Variants in OPHN1 observed in about 807,000 individuals in gnomAD.
OPHN1 encodes oligophrenin 1.
OPHN1 carries 11 observed loss-of-function variants against 60.7 expected under a neutral mutation model. That is an observed-to-expected ratio of 0.18 (90% confidence interval 0.11 to 0.30). The LOEUF is 0.30. OPHN1 is among the 10% of genes least tolerant of loss of function. OPHN1 has a pLI of 1.00. For missense variants in OPHN1, 449 were observed against 611.0 expected (o/e 0.73, Z 2.80); for synonymous variants, 226 against 222.6 (o/e 1.02, Z -0.14).
At chrX:68,105,085 T>G (rs2147418110) in intron 18 of OPHN1, among the ~76,000 whole-genome samples, 1 of 111,744 alleles carries the variant, frequency 8.9e-6, no homozygotes, top group Admixed American at 9.5e-5. Context: ...ATTAGAGAAA[T>G]GCAAATCAAA....
intron 20 of OPHN1, among the ~76,000 whole-genome samples, chrX:68,068,276 T>A (rs1407533315): frequency 9.2e-6 from 1 of 109,040 alleles, no homozygotes; most frequent in African/African-American, 3.3e-5. Context: ...TTGAGACCAG[T>A]CTGGCCAACA....
At chrX:68,349,239 T>C (rs1397759242) in intron 2 of OPHN1, among the ~76,000 whole-genome samples, 24 of 109,896 alleles carry the variant, frequency 2.2e-4, no homozygotes, top group Admixed American at 1.9e-3. Flanking sequence ...CATCAAAAAA[T>C]GGGCAAAGGA....
At chrX:68,267,441 C>T (rs1034687866) in intron 5 of OPHN1, among the ~76,000 whole-genome samples, 2 of 111,790 alleles carry the variant, frequency 1.8e-5, no homozygotes, top group East Asian at 2.8e-4. Flanking sequence ...GGGTACATAA[C>T]GAAATGAAGG....
chrX:68,145,843 A>G (rs2077261740), intron 15 of OPHN1, among the ~76,000 whole-genome samples: 1 of 112,019 alleles, frequency 8.9e-6, no homozygotes, highest in Admixed American at 9.5e-5. Flanking sequence ...GATACATCTT[A>G]TTTTAGTTCA....
chrX:68,239,053 A>G (rs1029845263), intron 5 of OPHN1, among the ~76,000 whole-genome samples: 1 of 111,365 alleles, frequency 9.0e-6, no homozygotes, highest in Admixed American at 9.6e-5. Flanking sequence ...AATGATGGAA[A>G]TAGCTCTCAG....
intron 2 of OPHN1, among the ~76,000 whole-genome samples, chrX:68,390,321 G>A (rs1386359016): frequency 1.8e-5 from 2 of 111,706 alleles, no homozygotes; most frequent in African/African-American, 6.5e-5. Flanking sequence ...CACTGGGGCC[G>A]GGTGCAGTGG....
chrX:68,176,127 A>G (rs1375410292), intron 15 of OPHN1, among the ~76,000 whole-genome samples: 1 of 112,219 alleles, frequency 8.9e-6, no homozygotes, highest in Non-Finnish European at 1.9e-5. Context: ...AGAAGAAAAC[A>G]TAGGGGAAAA....
chrX:68,371,838 G>T (rs1003987703), intron 2 of OPHN1, among the ~76,000 whole-genome samples: 1 of 112,410 alleles, frequency 8.9e-6, no homozygotes, highest in Admixed American at 9.4e-5. Context: ...TCTGCCTCCA[G>T]GATTCAAAGA....
intron 23 of OPHN1, among the ~76,000 whole-genome samples, chrX:68,050,228 A>G (rs1436806820): frequency 9.0e-6 from 1 of 111,467 alleles, no homozygotes. Flanking sequence ...GAGTGGGAGG[A>G]GCCTGTGGGT....
chrX:68,215,993 G>A (rs755082100), intron 6 of OPHN1, among the ~76,000 whole-genome samples: 30 of 111,388 alleles, frequency 2.7e-4, no homozygotes, highest in Non-Finnish European at 4.9e-4. Flanking sequence ...ATTCTTAATG[G>A]ACCTAACAGA....
At chrX:68,057,641 C>G (rs1340959650) in intron 21 of OPHN1, among the ~76,000 whole-genome samples, 1 of 111,463 alleles carries the variant, frequency 9.0e-6, no homozygotes, top group Non-Finnish European at 1.9e-5. Flanking sequence ...CTCTTGGGCC[C>G]TTTATTGCTA....
chrX:68,054,441 C>T (rs2076864688), intron 21 of OPHN1, among the ~76,000 whole-genome samples: 1 of 110,624 alleles, frequency 9.0e-6, no homozygotes, highest in Non-Finnish European at 1.9e-5. Context: ...TAGAGGGCAT[C>T]AAGGATTCTG....
rs986742481 is a variant in OPHN1 at position 68,363,966 on chromosome X, GT to G, written c.155-64871del. ...TATGTTTGAAATTTTCCATACTAAT[GT>G]TTTTAAAATATGTGTGAACTGAAAT... is the stretch of plus-strand genomic sequence containing the variant. On this transcript the variant is annotated intron_variant, in intron 2 of 24. Coordinates refer to ENST00000355520, the MANE Select transcript of OPHN1 (RefSeq NM_002547.3). Among the ~76,000 whole-genome samples, 6 of 111,628 alleles carry G rather than the reference GT, an allele frequency of 5.4e-5. No individual in the cohort carries two copies. The Admixed American group carries it at 5.7e-4, about 11-fold the overall frequency.
At chrX:68,418,829 G>A (rs2078811800) in intron 2 of OPHN1, among the ~76,000 whole-genome samples, 1 of 111,620 alleles carries the variant, frequency 9.0e-6, no homozygotes, top group South Asian at 3.8e-4. Flanking sequence ...GAGATCATAG[G>A]TGAAACTTGT....
intron 2 of OPHN1, among the ~76,000 whole-genome samples, chrX:68,301,806 C>G (rs2078122418): frequency 8.9e-6 from 1 of 112,173 alleles, no homozygotes; most frequent in African/African-American, 3.2e-5. Flanking sequence ...ATGTGTCTTC[C>G]ACAATGTCTT....
intron 15 of OPHN1, among the ~76,000 whole-genome samples, chrX:68,144,146 A>C (rs932213272): frequency 9.0e-6 from 1 of 110,736 alleles, no homozygotes; most frequent in African/African-American, 3.3e-5. Context: ...AATAGCTGGG[A>C]GCCTCCCAAG....
intron 3 of OPHN1, among the ~76,000 whole-genome samples, chrX:68,284,080 C>T (rs1053900898): frequency 4.5e-5 from 5 of 111,617 alleles, no homozygotes; most frequent in Non-Finnish European, 9.4e-5. Flanking sequence ...CCTTCTGTCC[C>T]CAAATACTTT....
chrX:68,067,838 A>G (rs1168845182), intron 20 of OPHN1, among the ~76,000 whole-genome samples: 1 of 111,975 alleles, frequency 8.9e-6, no homozygotes, highest in Non-Finnish European at 1.9e-5. Context: ...ACTGGTGAGC[A>G]GGATTGGTTC....
At chrX:68,261,402 C>T (rs760141494) in intron 5 of OPHN1, among the ~76,000 whole-genome samples, 13 of 111,687 alleles carry the variant, frequency 1.2e-4, no homozygotes, top group Non-Finnish European at 2.3e-4. Flanking sequence ...TTCTACACTG[C>T]GGGATGAAAG....
Sources: gnomAD v4.1 joint callset for allele counts (sites outside exome capture counted in the v4.1 genomes callset) on GRCh38, gnomAD v4.1.1 for gene constraint, MANE v1.5 for transcripts, NCBI Gene and HGNC (gene_info 2026-07-23, HGNC 2026-07-21) for gene names.